PRRX1: variants seen among roughly 807,000 people sequenced by gnomAD.
PRRX1 encodes the protein paired related homeobox 1, also known as paired mesoderm homeobox protein 1.
In PRRX1, 8 loss-of-function variants were observed where a neutral mutation model predicts 24.0. The observed-to-expected ratio is 0.33, with a 90% CI of 0.20 to 0.60. PRRX1 has a LOEUF of 0.60. Among genes scored for constraint, PRRX1 ranks in the 20% least tolerant of loss-of-function variants. The pLI is 0.82. For synonymous variants in PRRX1, 160 were observed against 131.7 expected (o/e 1.22, Z -1.47); for missense variants, 281 against 322.4 (o/e 0.87, Z 0.98).
At chr1:170,708,975 C>T (rs1354810350) in intron 1 of PRRX1, among the ~76,000 whole-genome samples, 1 of 152,066 alleles carries the variant, frequency 6.6e-6, no homozygotes, top group Non-Finnish European at 1.5e-5. Flanking sequence ...GGCACTTTCA[C>T]CAAGCAGAGT....
chr1:170,721,554 A>C (rs1655086191), intron 2 of PRRX1, among the ~76,000 whole-genome samples: 1 of 152,146 alleles, frequency 6.6e-6, no homozygotes, highest in South Asian at 2.1e-4. Flanking sequence ...CTCACCAAGA[A>C]GTACTCCCCA....
intron 1 of PRRX1, among the ~76,000 whole-genome samples, chr1:170,705,939 C>T (rs12567381): frequency 2.8e-4 from 23 of 83,476 alleles, no homozygotes; most frequent in South Asian, 6.6e-4. Flanking sequence ...CACACATACA[C>T]ACACACACAC....
At chr1:170,674,149 C>T (rs1036381221) in intron 1 of PRRX1, among the ~76,000 whole-genome samples, 9 of 152,112 alleles carry the variant, frequency 5.9e-5, no homozygotes, top group Non-Finnish European at 1.3e-4. Flanking sequence ...GATAGTCTAC[C>T]TTCCCATCCC....
At chr1:170,665,694 G>A (rs1156333461) in intron 1 of PRRX1, among the ~76,000 whole-genome samples, 1 of 152,222 alleles carries the variant, frequency 6.6e-6, no homozygotes, top group African/African-American at 2.4e-5. Flanking sequence ...CAGGGTCCGG[G>A]CACAGTGGTG....
chr1:170,689,460 A>G (rs1213686799), intron 1 of PRRX1, among the ~76,000 whole-genome samples: 1 of 152,194 alleles, frequency 6.6e-6, no homozygotes, highest in African/African-American at 2.4e-5. Context: ...CATGGAATCT[A>G]TGTGGGAAGG....
At chr1:170,697,640 T>C (rs957435276) in intron 1 of PRRX1, among the ~76,000 whole-genome samples, 1 of 149,048 alleles carries the variant, frequency 6.7e-6, no homozygotes, top group Non-Finnish European at 1.5e-5. Flanking sequence ...AAAAAAGATA[T>C]ATTTTATGTA....
Position 170,726,363 on chromosome 1 carries a change from C to T in PRRX1, c.561C>T (p.Pro187=). ...QPIVPRPAPR[P]TDYLSWGTAS... ...TCGTACCTCGTCCTGCTCCGAGACC[C>T]ACCGATTATCTCTCCTGGGGGACAG... The change falls in exon 3 of 4, where the codon CCC becomes CCT. Residue 187 remains proline, a synonymous_variant. Coordinates refer to ENST00000239461, the MANE Select transcript of PRRX1 (RefSeq NM_022716.4). 6.2e-7 allele frequency: 1 copy of T among 1,614,142 alleles called. No homozygotes were observed. Among genetic ancestry groups the T allele is most frequent in the East Asian group, 2.2e-5 (1 of 44,872 alleles).
At position 170,736,036 on chromosome 1, in the gene PRRX1, T is replaced by C; in HGVS notation, c.600-12T>C. ...CCTGTTATTCTCCCTGCTCTCTCCT[T>C]TGTCCCTACAGCGCCATGGCTACTT... On this transcript the variant is annotated splice_polypyrimidine_tract_variant and intron_variant, in intron 3 of 3. Transcript: ENST00000239461. The C allele has an allele frequency of 6.2e-7, 1 of 1,613,912 alleles. No individual in the cohort carries two copies. The highest frequency in any genetic ancestry group is 8.5e-7 in the Non-Finnish European group (1 of 1,179,808).
chr1:170,668,716 C>T (rs1287219117), intron 1 of PRRX1: 1 of 152,232 alleles, frequency 6.6e-6, no homozygotes, highest in Non-Finnish European at 1.5e-5. Context: ...TTGGAATTCT[C>T]ATCACAGTAA....
intron 1 of PRRX1, chr1:170,668,254 C>T (rs1357181997): frequency 1.3e-5 from 2 of 152,154 alleles, no homozygotes; most frequent in East Asian, 3.9e-4. Context: ...TAAAAATAGG[C>T]AGACCTACTT....
chr1:170,696,801 A>G (rs998269434), intron 1 of PRRX1, among the ~76,000 whole-genome samples: 1 of 152,246 alleles, frequency 6.6e-6, no homozygotes, highest in Non-Finnish European at 1.5e-5. Context: ...TTTACCACTC[A>G]GTAAAAATCC....
At chr1:170,681,664 T>G (rs1203548705) in intron 1 of PRRX1, among the ~76,000 whole-genome samples, 1 of 152,202 alleles carries the variant, frequency 6.6e-6, no homozygotes, top group African/African-American at 2.4e-5. Flanking sequence ...GAGTTGATTT[T>G]GACCATGGTC....
intron 1 of PRRX1, among the ~76,000 whole-genome samples, chr1:170,673,315 G>A (rs1156984587): frequency 6.6e-6 from 1 of 152,114 alleles, no homozygotes; most frequent in Non-Finnish European, 1.5e-5. Context: ...TACCAGTGCT[G>A]CTTCCCTAAA....
intron 1 of PRRX1, among the ~76,000 whole-genome samples, chr1:170,691,809 G>A: frequency 6.6e-6 from 1 of 151,934 alleles, no homozygotes; most frequent in East Asian, 1.9e-4. Flanking sequence ...TTAACGTAAA[G>A]GATGAAAATA....
Position 170,696,861 on chromosome 1 carries a change from T to C in PRRX1, c.242-22865T>C, listed in dbSNP as rs138670809. Among the ~76,000 whole-genome samples, 639 of 152,308 alleles carry C rather than the reference T, an allele frequency of 4.2e-3. 2 individuals are homozygous for C. Among genetic ancestry groups the C allele is most frequent in the African/African-American group, 0.015 (606 of 41,572 alleles). Reference sequence around the variant, plus strand: ...TAATTTAGCTCGGCTCATTCCTCCATGAGTTAATTTAGAACACCAATGAAA... The same window carrying C: ...TAATTTAGCTCGGCTCATTCCTCCACGAGTTAATTTAGAACACCAATGAAA... On this transcript the variant is annotated intron_variant, in intron 1 of 3. Coordinates refer to ENST00000239461, the MANE Select transcript of PRRX1 (RefSeq NM_022716.4).
chr1:170,677,048 A>G (rs1216874103), intron 1 of PRRX1, among the ~76,000 whole-genome samples: 1 of 152,226 alleles, frequency 6.6e-6, no homozygotes, highest in Non-Finnish European at 1.5e-5. Flanking sequence ...TTCTAAATTA[A>G]GTTGTCAAGT....
chr1:170,723,948 A>G (rs1246059012), intron 2 of PRRX1, among the ~76,000 whole-genome samples: 1 of 151,962 alleles, frequency 6.6e-6, no homozygotes, highest in African/African-American at 2.4e-5. Context: ...GAGGTCCATC[A>G]TATGTGGTGC....
intron 1 of PRRX1, among the ~76,000 whole-genome samples, chr1:170,669,741 T>C (rs754459605): frequency 2.7e-4 from 41 of 152,044 alleles, no homozygotes; most frequent in Admixed American, 2.6e-4. Context: ...GTTGCAAAGG[T>C]CTGTACGTGC....
chr1:170,669,437 A>AAAAAAAAAAAAAAAAAC (rs1653066239), intron 1 of PRRX1: 1 of 136,572 alleles, frequency 7.3e-6, no homozygotes, highest in Non-Finnish European at 1.6e-5. Context: ...AAAAAAAAAA[A>AAAAAAAAAAAAAAAAAC]AAAAAAAAAA....
Sources: allele counts gnomAD v4.1 joint callset (sites outside exome capture counted in the v4.1 genomes callset), GRCh38; gene constraint gnomAD v4.1.1; transcripts MANE v1.5; gene names NCBI Gene and HGNC (gene_info 2026-07-23, HGNC 2026-07-21).